NCOA6: variants seen among roughly 807,000 people sequenced by gnomAD.
NCOA6 encodes the protein NRC RAP250.
Under a neutral mutation model 171.4 loss-of-function variants are expected in NCOA6, and 49 were observed. The observed-to-expected ratio is 0.29, with a 90% confidence interval of 0.23 to 0.36. The LOEUF (loss-of-function observed/expected upper bound fraction) is 0.36. NCOA6 is among the 10% of genes least tolerant of loss of function. The pLI is 1.00. For missense variants in NCOA6, 2,248 were observed against 2,554.5 expected, an observed-to-expected ratio of 0.88 and a Z score of 2.59; for synonymous variants, 910 against 927.5, an observed-to-expected ratio of 0.98 and a Z score of 0.34.
intron 4 of NCOA6, among the ~76,000 whole-genome samples, chr20:34,773,318 C>T (rs2077207508): frequency 6.6e-6 from 1 of 152,166 alleles, no homozygotes; most frequent in Admixed American, 6.5e-5. Context: ...AAAGATGTTT[C>T]CCCAATTCCC....
intron 2 of NCOA6, among the ~76,000 whole-genome samples, chr20:34,790,854 T>C (rs1371152686): frequency 1.3e-5 from 2 of 151,904 alleles, no homozygotes; most frequent in East Asian, 1.9e-4. Flanking sequence ...TTTCACCATA[T>C]TGGCCAGGCT....
chr20:34,732,181 T>C (rs1038613328), intron 13 of NCOA6, among the ~76,000 whole-genome samples: 1 of 152,228 alleles, frequency 6.6e-6, no homozygotes, highest in African/African-American at 2.4e-5. Flanking sequence ...GCTTTCTCCT[T>C]CTTTTGCTTT....
intron 8 of NCOA6, among the ~76,000 whole-genome samples, chr20:34,753,751 T>G (rs1300773219): frequency 6.6e-6 from 1 of 152,162 alleles, no homozygotes; most frequent in Admixed American, 6.5e-5. Flanking sequence ...ATTCAAGCAG[T>G]TTGCACTACC....
At chr20:34,746,772 G>A (rs769350017) in intron 10 of NCOA6, 35 bp downstream of exon 10, 3 of 1,558,890 alleles carry the variant, frequency 1.9e-6, no homozygotes, top group East Asian at 2.3e-5. Flanking sequence ...ACATGCACAT[G>A]TAATAAGTAT....
Position 34,791,153 on chromosome 20 carries a change from T to C in NCOA6, c.-50+1297A>G, listed in dbSNP as rs1029746203. On this transcript the variant is annotated intron_variant, in intron 2 of 14. Coordinates refer to ENST00000359003, the MANE Select transcript of NCOA6 (RefSeq NM_014071.5). ...GAATCTACTAAATGCCACTGAACTG[T>C]TCACTTTAAAATGGCTAATTTATGT... Among the ~76,000 whole-genome samples, 20 of 152,344 alleles carry C rather than the reference T, an allele frequency of 1.3e-4. No homozygotes were observed. The South Asian group carries it at 1.9e-3, about 14-fold the overall frequency.
chr20:34,740,021 C>A (rs777505237), intron 11 of NCOA6, among the ~76,000 whole-genome samples: 1 of 152,104 alleles, frequency 6.6e-6, no homozygotes, highest in African/African-American at 2.4e-5. Context: ...TGCCATCATG[C>A]CTGGCTAATT....
In NCOA6 at chr20:34,741,776, G is replaced by C; in HGVS notation, c.4480C>G (p.Leu1494Val). ...MREAPTSLSQ[L>V]LDNSGAPNVT... is the part of the protein sequence containing the mutation. ...TTGGGAGCTCCAGAGTTGTCAAGAAGTTGACTTAACGATGTTGGTGCTTCC... is the reference window on the plus strand; with the variant it reads ...TTGGGAGCTCCAGAGTTGTCAAGAACTTGACTTAACGATGTTGGTGCTTCC... The change falls in exon 11 of 15, where the codon CTT becomes GTT. Residue 1494 changes from leucine to valine, a missense_variant. This residue lies in a region of NCOA6 where 884 missense variants were observed against 941.9 expected (regional missense o/e 0.94). Transcript: ENST00000359003. 1 of 1,614,196 alleles carries C rather than the reference G, an allele frequency of 6.2e-7. No individual in the cohort carries two copies. Among genetic ancestry groups the C allele is most frequent in the Non-Finnish European group, 8.5e-7 (1 of 1,180,040 alleles).
rs547294645 is a variant in NCOA6, at chr20:34,764,118, T to C, written c.514+4346A>G. Reference sequence around the variant, plus strand: ...TTTTTTGTTTTTTGAGAGGGAGTCTTGCTATGTCACCCAGGCTGGAGTGCA... The same window carrying C: ...TTTTTTGTTTTTTGAGAGGGAGTCTCGCTATGTCACCCAGGCTGGAGTGCA... On this transcript the variant is annotated intron_variant, in intron 5 of 14. Transcript: ENST00000359003. Among the ~76,000 whole-genome samples, 5 of 149,832 alleles carry C rather than the reference T, an allele frequency of 3.3e-5. No individual in the cohort carries two copies. The East Asian group carries it at 1.0e-3, about 30-fold the overall frequency.
intron 5 of NCOA6, among the ~76,000 whole-genome samples, chr20:34,761,099 G>A (rs1268348297): frequency 1.3e-5 from 2 of 152,154 alleles, no homozygotes; most frequent in Non-Finnish European, 2.9e-5. Context: ...GTGGGCGCCT[G>A]TAATCCCAGC....
At chr20:34,819,850 C>A (rs1404764524) in intron 1 of NCOA6, 2 of 152,114 alleles carry the variant, frequency 1.3e-5, no homozygotes, top group African/African-American at 4.8e-5. Flanking sequence ...GACTGAGGCG[C>A]AATGAGGTTT....
intron 12 of NCOA6, among the ~76,000 whole-genome samples, chr20:34,734,214 G>A (rs114424686): frequency 0.014 from 2,101 of 151,968 alleles, 43 homozygotes; most frequent in African/African-American, 0.048. Context: ...ATAGGCACGC[G>A]GTACCAGGCC....
rs1035433541 is a variant in NCOA6, at chr20:34,729,769, CCTGA to C, written c.6000-2366_6000-2363del. Among the ~76,000 whole-genome samples, 5 of 152,270 alleles carry C rather than the reference CCTGA, an allele frequency of 3.3e-5. 1 individual carries two copies. Among genetic ancestry groups the C allele is most frequent in the Admixed American group, 3.3e-4 (5 of 15,298 alleles). On this transcript the variant is annotated intron_variant, in intron 13 of 14. Coordinates refer to ENST00000359003, the MANE Select transcript of NCOA6 (RefSeq NM_014071.5). Reference sequence around the variant, plus strand: ...AACCTCTTAAGGACACAGACCATAACCTGACTGTCAACTATCCCTACCCTTCCAC... The same window carrying C: ...AACCTCTTAAGGACACAGACCATAACCTGTCAACTATCCCTACCCTTCCAC...
intron 8 of NCOA6, 43 bp downstream of exon 8, chr20:34,754,679 A>G (rs2076592251): frequency 6.2e-7 from 1 of 1,612,520 alleles, no homozygotes; most frequent in Non-Finnish European, 8.5e-7. Flanking sequence ...TCTACGACAC[A>G]ATGCTCAATA....
intron 14 of NCOA6, among the ~76,000 whole-genome samples, chr20:34,723,033 A>G (rs1021847398): frequency 2.6e-5 from 4 of 152,210 alleles, no homozygotes; most frequent in African/African-American, 9.7e-5. Context: ...AGAAAAAACG[A>G]AAGAAAAAGC....
chr20:34,771,393 C>G (rs962222160), intron 4 of NCOA6, among the ~76,000 whole-genome samples: 3 of 152,170 alleles, frequency 2.0e-5, no homozygotes, highest in Admixed American at 2.0e-4. Context: ...CCTCAGCCTT[C>G]CAAAGTGCTG....
intron 3 of NCOA6, among the ~76,000 whole-genome samples, chr20:34,778,350 A>AC (rs2077405680): frequency 6.6e-6 from 1 of 152,214 alleles, no homozygotes; most frequent in Non-Finnish European, 1.5e-5. Flanking sequence ...AATCATAGAA[A>AC]CAGATAGTAG....
At position 34,754,740 on chromosome 20, in the gene NCOA6, G is replaced by T; in HGVS notation, c.1657C>A (p.Gln553Lys). ...NSGAPQLQANQNVQHAGGQGA... is the reference protein window; with the variant it reads ...NSGAPQLQANKNVQHAGGQGA... The stretch of plus-strand genomic sequence containing the variant: ...AACAAACCTGCATGCTGGACATTTT[G>T]ATTTGCTTGCAGCTGAGGGGCTCCT... Residue 553 changes from glutamine to lysine, a missense_variant, in exon 8 of 15, where the codon CAA (glutamine) becomes AAA (lysine). Coordinates refer to ENST00000359003, the MANE Select transcript of NCOA6 (RefSeq NM_014071.5). 1 of 1,614,176 alleles carries T rather than the reference G, an allele frequency of 6.2e-7. No homozygotes were observed. Among genetic ancestry groups the T allele is most frequent in the Non-Finnish European group, 8.5e-7 (1 of 1,180,026 alleles).
chr20:34,795,143 A>G (rs147228491), intron 1 of NCOA6, among the ~76,000 whole-genome samples: 281 of 152,316 alleles, frequency 1.8e-3, no homozygotes, highest in Non-Finnish European at 3.2e-3. Flanking sequence ...GCAACCCCAA[A>G]TGAAATAAAT....
chr20:34,776,021 A>C (rs958240882), intron 4 of NCOA6, among the ~76,000 whole-genome samples: 2 of 152,240 alleles, frequency 1.3e-5, no homozygotes, highest in African/African-American at 4.8e-5. Context: ...TCAGGATGCC[A>C]ATAAAATCAA....
Sources: allele counts gnomAD v4.1 joint callset (sites outside exome capture counted in the v4.1 genomes callset), GRCh38; gene constraint gnomAD v4.1.1; regional missense constraint gnomAD v4.1.1; transcripts MANE v1.5; gene names NCBI Gene and HGNC (gene_info 2026-07-23, HGNC 2026-07-21).